Variants in ANKRD11 observed in about 807,000 individuals in gnomAD.
ANKRD11 encodes ankyrin repeat domain-containing protein 11.
Under a neutral mutation model 195.7 loss-of-function variants are expected in ANKRD11, and 17 were observed. The observed-to-expected ratio is 0.09, with a 90% CI of 0.06 to 0.13. The LOEUF (loss-of-function observed/expected upper bound fraction) is 0.13, where lower values mean the gene tolerates loss of function less well. Among genes scored for constraint, ANKRD11 ranks in the 10% least tolerant of loss-of-function variants. ANKRD11 has a pLI of 1.00. For synonymous variants in ANKRD11, 1,953 were observed against 1,528.1 expected (o/e 1.28, Z -6.49); for missense variants, 3,735 against 3,566.1 (o/e 1.05, Z -1.21).
intron 2 of ANKRD11, among the ~76,000 whole-genome samples, chr16:89,356,416 C>G (rs1375379065): frequency 5.9e-5 from 9 of 151,932 alleles, no homozygotes; most frequent in Admixed American, 5.9e-4. Flanking sequence ...GATGGAGCAG[C>G]TGGACACATT....
chr16:89,374,078 G>C, intron 2 of ANKRD11, among the ~76,000 whole-genome samples: 1 of 152,194 alleles, frequency 6.6e-6, no homozygotes, highest in South Asian at 2.1e-4. Flanking sequence ...GCAGAGAGGG[G>C]TGTTAACCCG....
intron 2 of ANKRD11, among the ~76,000 whole-genome samples, chr16:89,413,877 G>A (rs1318420903): frequency 6.6e-6 from 1 of 152,146 alleles, no homozygotes; most frequent in Non-Finnish European, 1.5e-5. Flanking sequence ...GCCAGACTGG[G>A]GGGAGGCAGG....
At position 89,270,826 on chromosome 16, in the gene ANKRD11, G is replaced by T; in HGVS notation, c.7797C>A (p.Asp2599Glu). The part of the protein sequence containing the change: ...SWLQDVDDKY[D>E]RMKTCLLMRQ... ...GACGCGCAACACCGACCTTCATGCG[G>T]TCATACTTGTCATCCACGTCCTGGA... Residue 2599 changes from aspartate (D) to glutamate (E), a missense_variant, in exon 12 of 13, where the codon GAC becomes GAA. Transcript: ENST00000301030. The T allele has an allele frequency of 3.1e-6, 5 of 1,613,886 alleles. No homozygotes were observed. The highest frequency in any genetic ancestry group is 4.2e-6 in the Non-Finnish European group (5 of 1,179,990).
intron 1 of ANKRD11, among the ~76,000 whole-genome samples, chr16:89,441,503 C>G (rs1029258116): frequency 2.0e-5 from 3 of 151,964 alleles, no homozygotes; most frequent in Non-Finnish European, 2.9e-5. Context: ...CGCGGTGGCT[C>G]ACGCCTGTAA....
At chr16:89,294,137 T>TC (rs1472433150) in intron 4 of ANKRD11, among the ~76,000 whole-genome samples, 5 of 152,126 alleles carry the variant, frequency 3.3e-5, no homozygotes, top group Non-Finnish European at 7.4e-5. Flanking sequence ...CACCAGGCCC[T>TC]CCCTCTGCTT....
chr16:89,383,630 G>C (rs973988629), intron 2 of ANKRD11, among the ~76,000 whole-genome samples: 1 of 151,980 alleles, frequency 6.6e-6, no homozygotes, highest in Non-Finnish European at 1.5e-5. Context: ...CCCTGCCCTC[G>C]GACCAGCAAC....
At chr16:89,293,471 T>TTGCGGAGGGAGGAGCTGGGGCAGAGTTGG (rs2035199958) in intron 4 of ANKRD11, among the ~76,000 whole-genome samples, 1 of 38,164 alleles carries the variant, frequency 2.6e-5, no homozygotes, top group African/African-American at 1.1e-4. Context: ...GGCAGAGTTG[T>TTGCGGAGGGAGGAGCTGGGGCAGAGTTGG]GGCTGCGGAG....
At chr16:89,382,476 C>T (rs900072197) in intron 2 of ANKRD11, among the ~76,000 whole-genome samples, 6 of 151,208 alleles carry the variant, frequency 4.0e-5, no homozygotes, top group Admixed American at 1.3e-4. Flanking sequence ...CAGGTGCGTG[C>T]CACCAAGCCT....
In ANKRD11 at chr16:89,284,571, A is replaced by G. The variant is rs1208772386; in HGVS notation, c.1971T>C (p.Phe657=). The change falls in exon 9 of 13, where the codon TTT becomes TTC. Residue 657 remains phenylalanine (F), a synonymous_variant. Transcript: ENST00000301030. Reference sequence around the variant, plus strand: ...GCTTGGAGTCCTCATATTCGTAAGTAAAACTTTTCAACTTCAGCTCTTGGC... The same window carrying G: ...GCTTGGAGTCCTCATATTCGTAAGTGAAACTTTTCAACTTCAGCTCTTGGC... ...SISQELKLKS[F]TYEYEDSKQK... 3.1e-6 allele frequency: 5 copies of G among 1,614,044 alleles called. No individual in the cohort carries two copies. The African/African-American group carries it at 6.7e-5, about 22-fold the overall frequency.
intron 9 of ANKRD11, chr16:89,278,424 T>C: frequency 2.4e-6 from 1 of 422,722 alleles, no homozygotes; most frequent in South Asian, 1.7e-5. Context: ...GGGATCTATT[T>C]TGGGCCCAGA....
chr16:89,278,749 G>A (rs1004675565), intron 9 of ANKRD11: 2 of 547,348 alleles, frequency 3.7e-6, no homozygotes, highest in Non-Finnish European at 7.0e-6. Flanking sequence ...GGTGGACGGG[G>A]AGTGGAGAGG....
intron 2 of ANKRD11, among the ~76,000 whole-genome samples, chr16:89,376,455 T>G (rs968343901): frequency 5.9e-5 from 9 of 152,222 alleles, no homozygotes. Flanking sequence ...TTTGTTTTTT[T>G]GAGTCAGACT....
chr16:89,385,988 C>A (rs1414652190), intron 2 of ANKRD11, among the ~76,000 whole-genome samples: 1 of 152,248 alleles, frequency 6.6e-6, no homozygotes, highest in African/African-American at 2.4e-5. Flanking sequence ...TCAAGCCGGC[C>A]TCCCGCTCAG....
chr16:89,471,459 G>C (rs2057081889), intron 1 of ANKRD11, among the ~76,000 whole-genome samples: 1 of 151,926 alleles, frequency 6.6e-6, no homozygotes, highest in Non-Finnish European at 1.5e-5. Context: ...CTGAGAAAAA[G>C]CTTCAGGTAA....
intron 1 of ANKRD11, among the ~76,000 whole-genome samples, chr16:89,457,206 G>T (rs371990030): frequency 6.6e-6 from 1 of 150,940 alleles, no homozygotes; most frequent in African/African-American, 2.4e-5. Flanking sequence ...TGATCCGCCC[G>T]CCTCGGCCTC....
intron 2 of ANKRD11, among the ~76,000 whole-genome samples, chr16:89,341,271 C>A (rs1055722349): frequency 6.6e-6 from 1 of 152,164 alleles, no homozygotes; most frequent in Non-Finnish European, 1.5e-5. Context: ...GCTGTGGGTC[C>A]ATTTCTCTCT....
intron 1 of ANKRD11, among the ~76,000 whole-genome samples, chr16:89,424,114 C>T (rs937856126): frequency 6.6e-6 from 1 of 152,048 alleles, no homozygotes; most frequent in Non-Finnish European, 1.5e-5. Flanking sequence ...CCCGGGTGTA[C>T]CTGCCTACCA....
intron 1 of ANKRD11, among the ~76,000 whole-genome samples, chr16:89,432,277 A>C (rs1024560526): frequency 1.5e-3 from 176 of 121,136 alleles, no homozygotes; most frequent in African/African-American, 3.4e-3. Flanking sequence ...ACACACACAC[A>C]CCCCTGGAAA....
At chr16:89,490,080 G>A (rs2057773419) in intron 1 of ANKRD11, among the ~76,000 whole-genome samples, 165 bp downstream of exon 1, 1 of 131,050 alleles carries the variant, frequency 7.6e-6, no homozygotes, top group African/African-American at 2.9e-5. Flanking sequence ...CCTCACGATC[G>A]CCCCGGGCCC....
Sources: allele counts gnomAD v4.1 joint callset (sites outside exome capture counted in the v4.1 genomes callset), GRCh38; gene constraint gnomAD v4.1.1; transcripts MANE v1.5; gene names NCBI Gene and HGNC (gene_info 2026-07-23, HGNC 2026-07-21).